The following TNC variants were observed in gnomAD, a reference collection of about 807,000 sequenced individuals.
The protein encoded by TNC is tenascin C, also known as tenascin.
A neutral mutation model predicts 202.4 loss-of-function variants in TNC; 109 were observed. The observed-to-expected ratio is 0.54, with a 90% confidence interval of 0.46 to 0.63. TNC has a LOEUF of 0.63. Among genes scored for constraint, TNC ranks in the 30% least tolerant of loss-of-function variants. The pLI is 0.00. For missense variants in TNC, 2,756 were observed against 2,833.3 expected (o/e 0.97, Z 0.62); for synonymous variants, 1,007 against 1,089.7 (o/e 0.92, Z 1.50).
chr9:115,034,091 C>T (rs1020677621), intron 22 of TNC, among the ~76,000 whole-genome samples: 1 of 152,200 alleles, frequency 6.6e-6, no homozygotes, highest in Non-Finnish European at 1.5e-5. Context: ...TAAATGACTG[C>T]CCTTTCCCAT....
chr9:115,087,173 A>G lies in TNC; in HGVS notation c.558T>C (p.Ser186=). 8 of 1,614,246 alleles carry G rather than the reference A, an allele frequency of 5.0e-6. No individual in the cohort carries two copies. Among genetic ancestry groups the G allele is most frequent in the Non-Finnish European group, 6.8e-6 (8 of 1,180,050 alleles). Residue 186 remains serine, a synonymous_variant, in exon 3 of 28, where the codon TCT becomes TCC. Coordinates refer to ENST00000350763, the MANE Select transcript of TNC (RefSeq NM_002160.4). ...GACAGTTGCCTGGACATTCGGGCTC[A>G]GAGCAGTTGGGGCCTTTCCAGCCAG... ...CEPGWKGPNC[S]EPECPGNCHL...
rs527820944 is a variant in TNC at position 115,053,755 on chromosome 9, G to C, written c.4579+3398C>G. 2.6e-4 allele frequency among the ~76,000 whole-genome samples: 40 copies of C among 152,258 alleles called. 1 individual carries two copies. The South Asian group carries it at 8.3e-3, about 32-fold the overall frequency. On this transcript the variant is annotated intron_variant, in intron 15 of 27. Transcript: ENST00000350763. Reference sequence around the variant, plus strand: ...TTACAGTACTTAATATGCATTGTAGGAAAATCTATATTTTACCATTTAATA... The same window carrying C: ...TTACAGTACTTAATATGCATTGTAGCAAAATCTATATTTTACCATTTAATA...
intron 15 of TNC, among the ~76,000 whole-genome samples, chr9:115,053,210 T>G (rs952212109): frequency 1.3e-5 from 2 of 152,360 alleles, no homozygotes; most frequent in African/African-American, 4.8e-5. Context: ...TGCAGGTGTA[T>G]ATTTGTGTTC....
At position 115,021,144 on chromosome 9, in the gene TNC, TG is replaced by T; in HGVS notation, c.*12del. The T allele has an allele frequency of 3.7e-6, 6 of 1,602,894 alleles. No homozygotes were observed. In the South Asian group the frequency reaches 5.5e-5, roughly 15 times the overall value. On this transcript the variant is annotated 3_prime_UTR_variant, in exon 28 of 28. Coordinates refer to ENST00000350763, the MANE Select transcript of TNC (RefSeq NM_002160.4). ...TGGGCCTTATTCCTCTCTCACCCAG[TG>T]GTCCCTGGAATTTATGCCCGTTTGC...
At chr9:115,092,950 C>G (rs1299807748) in intron 1 of TNC, among the ~76,000 whole-genome samples, 2 of 152,128 alleles carry the variant, frequency 1.3e-5, no homozygotes, top group East Asian at 1.9e-4. Flanking sequence ...TATTCTTATA[C>G]TCGCACACTG....
At chr9:115,032,767 T>A (rs1420495636) in intron 22 of TNC, among the ~76,000 whole-genome samples, 1 of 152,202 alleles carries the variant, frequency 6.6e-6, no homozygotes, top group Non-Finnish European at 1.5e-5. Flanking sequence ...GAGATATCCA[T>A]GACAGACAGA....
chr9:115,090,588 G>A lies in TNC; in HGVS notation c.431C>T (p.Ala144Val), dbSNP rs762090051. Residue 144 changes from alanine (A) to valine (V), a missense_variant, in exon 2 of 28, where the codon GCA (alanine) becomes GTA (valine). By Grantham distance (64) the Ala-to-Val change is moderately conservative. Transcript: ENST00000350763. ...TGTGGCAGGCTGGAGACAGCAGCCTGCTCCTGCAGTACATTGCTCCCTCAG... is the reference window on the plus strand; with the variant it reads ...TGTGGCAGGCTGGAGACAGCAGCCTACTCCTGCAGTACATTGCTCCCTCAG... ...SSLREQCTAG[A>V]GCCLQPATGR... 3 of 1,585,022 alleles carry A rather than the reference G, an allele frequency of 1.9e-6. No individual in the cohort carries two copies. The highest frequency in any genetic ancestry group is 1.3e-5 in the African/African-American group (1 of 74,390).
chr9:115,068,077 C>T (rs1833090203), intron 10 of TNC, among the ~76,000 whole-genome samples: 1 of 152,096 alleles, frequency 6.6e-6, no homozygotes, highest in South Asian at 2.1e-4. Context: ...ATACAGTGGA[C>T]AATAGTTGAG....
intron 1 of TNC, among the ~76,000 whole-genome samples, chr9:115,108,722 G>A (rs1836811607): frequency 6.6e-6 from 1 of 152,164 alleles, no homozygotes; most frequent in Non-Finnish European, 1.5e-5. Context: ...GACAATATTA[G>A]TTGGCAGAGT....
intron 1 of TNC, among the ~76,000 whole-genome samples, chr9:115,111,316 T>A (rs1158278078): frequency 6.6e-6 from 1 of 151,212 alleles, no homozygotes; most frequent in Non-Finnish European, 1.5e-5. Flanking sequence ...AGAATATGAC[T>A]AAGGTGATGG....
At chr9:115,099,505 G>C (rs1388071950) in intron 1 of TNC, among the ~76,000 whole-genome samples, 2 of 152,196 alleles carry the variant, frequency 1.3e-5, no homozygotes, top group Non-Finnish European at 2.9e-5. Flanking sequence ...CACTCTTTTA[G>C]GTCAGAAATA....
At chr9:115,026,206 A>T (rs1376428075) in intron 26 of TNC, among the ~76,000 whole-genome samples, 1 of 152,164 alleles carries the variant, frequency 6.6e-6, no homozygotes, top group Non-Finnish European at 1.5e-5. Flanking sequence ...GATGAATATT[A>T]AGGCCTTTGG....
chr9:115,057,522 G>T (rs1028450859), intron 14 of TNC, 97 bp from the exon 15 acceptor site: 7 of 1,251,550 alleles, frequency 5.6e-6, no homozygotes, highest in Non-Finnish European at 7.7e-6. Context: ...ACCATTGCTG[G>T]GTAGAGAGAT....
At chr9:115,068,777 G>C (rs1390233468) in intron 10 of TNC, among the ~76,000 whole-genome samples, 1 of 152,126 alleles carries the variant, frequency 6.6e-6, no homozygotes. Context: ...CCCTTTGCTG[G>C]AAATGTCATT....
intron 10 of TNC, among the ~76,000 whole-genome samples, chr9:115,070,603 T>C (rs959375232): frequency 6.6e-6 from 1 of 152,184 alleles, no homozygotes; most frequent in African/African-American, 2.4e-5. Flanking sequence ...TATGGCCCAA[T>C]CCATCAGTAA....
At position 115,090,791 on chromosome 9, in the gene TNC, G is replaced by A; in HGVS notation, c.228C>T (p.Asp76=). 1.2e-6 allele frequency: 2 copies of A among 1,614,188 alleles called. No individual in the cohort carries two copies. Among genetic ancestry groups the A allele is most frequent in the South Asian group, 1.1e-5 (1 of 91,084 alleles). The part of the protein sequence containing the change: ...VDLESASGEK[D]LAPPSEPSES... ...CGCTGGGCTCTGAAGGCGGTGCCAG[G>A]TCTTTCTCCCCACTGGCTGACTCCA... The change falls in exon 2 of 28, where the codon GAC becomes GAT. Residue 76 remains aspartate (D), a synonymous_variant. Coordinates refer to ENST00000350763, the MANE Select transcript of TNC (RefSeq NM_002160.4).
chr9:115,047,891 G>A (rs921144852), intron 16 of TNC, among the ~76,000 whole-genome samples: 3 of 152,136 alleles, frequency 2.0e-5, no homozygotes, highest in African/African-American at 7.2e-5. Context: ...TTTTAAATAC[G>A]TTTTGGAAAT....
intron 4 of TNC, among the ~76,000 whole-genome samples, chr9:115,083,739 G>A (rs1247508515): frequency 6.6e-6 from 1 of 151,880 alleles, no homozygotes; most frequent in African/African-American, 2.4e-5. Flanking sequence ...TGAGTAGCCG[G>A]GATTACAGGC....
chr9:115,078,387 A>C (rs1203532879), intron 6 of TNC, among the ~76,000 whole-genome samples, 175 bp from the exon 7 acceptor site: 1 of 152,126 alleles, frequency 6.6e-6, no homozygotes, highest in African/African-American at 2.4e-5. Flanking sequence ...AAGTAGGGAT[A>C]ACAGCAGCTA....
Sources: gnomAD v4.1 joint callset for allele counts (sites outside exome capture counted in the v4.1 genomes callset) on GRCh38, gnomAD v4.1.1 for gene constraint, MANE v1.5 for transcripts, NCBI Gene and HGNC (gene_info 2026-07-23, HGNC 2026-07-21) for gene names.